Variants in FSTL5 observed in about 807,000 individuals in gnomAD.
FSTL5 encodes follistatin like 5.
Under a neutral mutation model 89.1 loss-of-function variants are expected in FSTL5, and 62 were observed. That is an observed-to-expected ratio of 0.70 (90% confidence interval 0.57 to 0.86). FSTL5 has a LOEUF of 0.86. FSTL5 is among the 40% of genes least tolerant of loss of function. The pLI is 0.00. For missense variants in FSTL5, 1,057 were observed against 1,001.6 expected (o/e 1.06, Z -0.75); for synonymous variants, 383 against 346.2 (o/e 1.11, Z -1.18).
intron 3 of FSTL5, among the ~76,000 whole-genome samples, chr4:161,947,995 T>A (rs1388737707): frequency 1.3e-5 from 2 of 152,020 alleles, no homozygotes; most frequent in Non-Finnish European, 2.9e-5. Flanking sequence ...AGAAATAGAA[T>A]GCTGAGTATG....
intron 4 of FSTL5, among the ~76,000 whole-genome samples, chr4:161,797,498 C>T (rs979958241): frequency 2.6e-5 from 4 of 151,602 alleles, no homozygotes; most frequent in African/African-American, 9.7e-5. Flanking sequence ...CTCTTTACTA[C>T]ACTTGTAGTC....
At chr4:161,834,233 C>T (rs1400597235) in intron 4 of FSTL5, among the ~76,000 whole-genome samples, 3 of 152,096 alleles carry the variant, frequency 2.0e-5, no homozygotes, top group Non-Finnish European at 4.4e-5. Context: ...GCAGAAAAGG[C>T]CTTTGACAAA....
chr4:161,989,112 T>C (rs1468649422), intron 3 of FSTL5, among the ~76,000 whole-genome samples: 1 of 152,082 alleles, frequency 6.6e-6, no homozygotes. Context: ...ACTTGAGAAA[T>C]AAAATAGACA....
At chr4:161,477,909 A>C (rs1285876781) in intron 13 of FSTL5, among the ~76,000 whole-genome samples, 1 of 152,092 alleles carries the variant, frequency 6.6e-6, no homozygotes, top group African/African-American at 2.4e-5. Flanking sequence ...GATTAAATGT[A>C]GTATTAGTTA....
At chr4:161,791,937 G>A (rs1417693952) in intron 4 of FSTL5, among the ~76,000 whole-genome samples, 1 of 152,188 alleles carries the variant, frequency 6.6e-6, no homozygotes, top group Non-Finnish European at 1.5e-5. Flanking sequence ...CAGAGCCAGT[G>A]GGAGCTGGGA....
chr4:161,840,562 C>T (rs537256344), intron 4 of FSTL5, among the ~76,000 whole-genome samples: 6 of 152,128 alleles, frequency 3.9e-5, no homozygotes, highest in South Asian at 2.1e-4. Flanking sequence ...TATCTACAGA[C>T]GTGAACAGTA....
At chr4:161,573,733 C>CAAAAAAAAAAAAAAAAAAAAAAAAAA (rs70937664) in intron 8 of FSTL5, among the ~76,000 whole-genome samples, 12 of 50,622 alleles carry the variant, frequency 2.4e-4, no homozygotes, top group Admixed American at 8.5e-4. Context: ...AACTCCAGCT[C>CAAAAAAAAAAAAAAAAAAAAAAAAAA]AAAAAAAAAA....
At chr4:161,873,524 C>T (rs375481012) in intron 4 of FSTL5, among the ~76,000 whole-genome samples, 18 of 147,446 alleles carry the variant, frequency 1.2e-4, no homozygotes, top group African/African-American at 3.8e-4. Flanking sequence ...TTCCTCCCAC[C>T]CTCCCTCCAT....
intron 1 of FSTL5, among the ~76,000 whole-genome samples, chr4:162,143,423 A>C (rs1368053897): frequency 1.3e-5 from 2 of 152,160 alleles, no homozygotes; most frequent in Admixed American, 1.3e-4. Flanking sequence ...TTTAAAGCTG[A>C]GAGCAAATGA....
intron 3 of FSTL5, among the ~76,000 whole-genome samples, chr4:161,968,723 G>C (rs1735394148): frequency 6.6e-6 from 1 of 152,006 alleles, no homozygotes; most frequent in Non-Finnish European, 1.5e-5. Context: ...GTTGTGACAA[G>C]TAACACCACA....
chr4:161,487,169 T>C (rs1729709058), intron 12 of FSTL5, among the ~76,000 whole-genome samples: 2 of 152,214 alleles, frequency 1.3e-5, no homozygotes, highest in South Asian at 4.1e-4. Flanking sequence ...ATTCCAGTAT[T>C]TCTACATTTC....
chr4:161,470,935 T>A (rs1357232605), intron 13 of FSTL5, among the ~76,000 whole-genome samples: 3 of 152,238 alleles, frequency 2.0e-5, no homozygotes, highest in Non-Finnish European at 4.4e-5. Context: ...TGTTCCTTTC[T>A]ATCCTGATAC....
chr4:161,860,402 A>G (rs1332071651), intron 4 of FSTL5, among the ~76,000 whole-genome samples: 1 of 152,200 alleles, frequency 6.6e-6, no homozygotes, highest in African/African-American at 2.4e-5. Flanking sequence ...CATATGCCAT[A>G]TTAAGGAGGT....
intron 8 of FSTL5, among the ~76,000 whole-genome samples, chr4:161,553,987 T>C (rs561554930): frequency 6.6e-6 from 1 of 151,574 alleles, no homozygotes; most frequent in Non-Finnish European, 1.5e-5. Context: ...AATAATCAGA[T>C]ACTATATACA....
chr4:162,053,766 A>T (rs1013814949), intron 2 of FSTL5, among the ~76,000 whole-genome samples: 7 of 151,834 alleles, frequency 4.6e-5, no homozygotes, highest in Admixed American at 3.9e-4. Flanking sequence ...ACTTTAGAAG[A>T]TATAGATTAT....
chr4:162,065,118 G>C (rs1449240043), intron 2 of FSTL5, among the ~76,000 whole-genome samples: 1 of 151,882 alleles, frequency 6.6e-6, no homozygotes, highest in Non-Finnish European at 1.5e-5. Context: ...ATGGAATAAA[G>C]ACTTACATAT....
intron 7 of FSTL5, among the ~76,000 whole-genome samples, chr4:161,616,997 T>C (rs1386768880): frequency 6.6e-6 from 1 of 151,040 alleles, no homozygotes; most frequent in Non-Finnish European, 1.5e-5. Flanking sequence ...GAACAAAATA[T>C]TTGTCAATAA....
chr4:161,962,511 T>A (rs948230341), intron 3 of FSTL5, among the ~76,000 whole-genome samples: 2 of 152,016 alleles, frequency 1.3e-5, no homozygotes, highest in African/African-American at 2.4e-5. Context: ...AGTATTTTTT[T>A]TTGTAGTTGC....
At chr4:161,919,500 A>G (rs1733932951) in intron 4 of FSTL5, among the ~76,000 whole-genome samples, 2 of 152,216 alleles carry the variant, frequency 1.3e-5, no homozygotes, top group African/African-American at 4.8e-5. Flanking sequence ...GGAGTGTAAT[A>G]AAATTATTTT....
Sources: gnomAD v4.1 joint callset for allele counts (sites outside exome capture counted in the v4.1 genomes callset) on GRCh38, gnomAD v4.1.1 for gene constraint, MANE v1.5 for transcripts, NCBI Gene and HGNC (gene_info 2026-07-23, HGNC 2026-07-21) for gene names.